The following RAD54B variants were observed in gnomAD, a reference collection of about 807,000 sequenced individuals.
The protein encoded by RAD54B is DNA repair and recombination protein RAD54B.
RAD54B carries 78 observed loss-of-function variants against 95.8 expected under a neutral mutation model. The ratio of observed to expected loss-of-function variants is 0.81; its 90% CI spans 0.68 to 0.98. RAD54B has a LOEUF of 0.98. RAD54B is among the 50% of genes least tolerant of loss of function. The pLI is 0.00. For missense variants in RAD54B, 957 were observed against 1,056.6 expected, an observed-to-expected ratio of 0.91 and a Z score of 1.31; for synonymous variants, 328 against 354.9, an observed-to-expected ratio of 0.92 and a Z score of 0.85.
intron 10 of RAD54B, among the ~76,000 whole-genome samples, chr8:94,390,765 T>C (rs1810999308): frequency 6.6e-6 from 1 of 151,916 alleles, no homozygotes; most frequent in South Asian, 2.1e-4. Flanking sequence ...CCAAAATACT[T>C]GGGAACAGAA....
At chr8:94,474,396 A>G (rs1350049493) in intron 1 of RAD54B, among the ~76,000 whole-genome samples, 1 of 152,236 alleles carries the variant, frequency 6.6e-6, no homozygotes, top group Non-Finnish European at 1.5e-5. Flanking sequence ...TAACAAAAGT[A>G]GGCTAGGCCA....
intron 2 of RAD54B, among the ~76,000 whole-genome samples, chr8:94,461,412 G>A (rs1221845888): frequency 8.0e-5 from 12 of 149,898 alleles, no homozygotes; most frequent in Admixed American, 6.0e-4. Context: ...CAGGTGATCC[G>A]CCTGCCTCAG....
At chr8:94,458,060 A>ACTATAAAAAG (rs1220017158) in intron 3 of RAD54B, among the ~76,000 whole-genome samples, 8 of 152,242 alleles carry the variant, frequency 5.3e-5, no homozygotes, top group African/African-American at 1.9e-4. Context: ...TCTTAAGCAT[A>ACTATAAAAAG]CATCTACTAT....
At chr8:94,435,267 T>C (rs1183102585) in intron 3 of RAD54B, among the ~76,000 whole-genome samples, 1 of 152,096 alleles carries the variant, frequency 6.6e-6, no homozygotes, top group Non-Finnish European at 1.5e-5. Flanking sequence ...TGTGTATTCA[T>C]GTCCTGGATT....
intron 14 of RAD54B, among the ~76,000 whole-genome samples, chr8:94,374,695 T>C (rs1255215149): frequency 6.6e-6 from 1 of 151,852 alleles, no homozygotes; most frequent in Non-Finnish European, 1.5e-5. Flanking sequence ...AACAATAAAA[T>C]AGAGAAACCA....
chr8:94,438,159 G>A (rs1812315083), intron 3 of RAD54B, among the ~76,000 whole-genome samples: 1 of 152,198 alleles, frequency 6.6e-6, no homozygotes, highest in Non-Finnish European at 1.5e-5. Flanking sequence ...TAGTTCCACA[G>A]AAATGCTATA....
In RAD54B at chr8:94,436,278, G is replaced by T. The variant is rs1812257151; in HGVS notation, c.304+21990C>A. Among the ~76,000 whole-genome samples the T allele has an allele frequency of 2.0e-5, 3 of 152,158 alleles. No individual in the cohort carries two copies. The South Asian group carries it at 6.2e-4, about 32-fold the overall frequency. ...ACCTTTACTTTTAGAAACTACAGGA[G>T]GGAAGGGGGAGGGGAAGACAGTAAA... is the stretch of plus-strand genomic sequence containing the variant. On this transcript the variant is annotated intron_variant, in intron 3 of 14. Coordinates refer to ENST00000336148, the MANE Select transcript of RAD54B (RefSeq NM_012415.3).
At chr8:94,419,456 C>T (rs1416962485) in intron 3 of RAD54B, among the ~76,000 whole-genome samples, 3 of 151,698 alleles carry the variant, frequency 2.0e-5, no homozygotes, top group African/African-American at 4.8e-5. Context: ...TGCAGTGAGC[C>T]GAGATCATGC....
At chr8:94,432,249 C>T (rs1812118482) in intron 3 of RAD54B, 1 of 1,550,340 alleles carries the variant, frequency 6.5e-7, no homozygotes, top group Non-Finnish European at 8.7e-7. Flanking sequence ...CAATCCATCC[C>T]TCTTCTCCTG....
intron 3 of RAD54B, chr8:94,430,251 C>G (rs528322044): frequency 4.7e-4 from 375 of 806,050 alleles, no homozygotes; most frequent in Non-Finnish European, 5.4e-4. Context: ...ACGGAGATTG[C>G]AGTGAGCCAA....
At position 94,432,264 on chromosome 8, in the gene RAD54B, T is replaced by C. The variant is rs781406219; in HGVS notation, c.305-20949A>G. The C allele has an allele frequency of 2.3e-5, 36 of 1,550,254 alleles. No homozygotes were observed. In the Middle Eastern group the frequency reaches 1.3e-3, roughly 57 times the overall value. On this transcript the variant is annotated intron_variant, in intron 3 of 14. Coordinates refer to ENST00000336148, the MANE Select transcript of RAD54B (RefSeq NM_012415.3). ...CAATCCATCCCTCTTCTCCTGAACA[T>C]ACAATCCAAAATTTTTTTGATTTTC...
intron 3 of RAD54B, among the ~76,000 whole-genome samples, chr8:94,444,963 T>G (rs1812486638): frequency 6.6e-6 from 1 of 152,196 alleles, no homozygotes; most frequent in African/African-American, 2.4e-5. Flanking sequence ...TTGATAACTG[T>G]CAGCGAGCAG....
At chr8:94,377,566 A>C (rs1475269412) in intron 14 of RAD54B, among the ~76,000 whole-genome samples, 1 of 115,260 alleles carries the variant, frequency 8.7e-6, no homozygotes, top group African/African-American at 2.8e-5. Context: ...AAAAAAAAAA[A>C]AAAAAAAAAA....
intron 4 of RAD54B, among the ~76,000 whole-genome samples, chr8:94,410,549 G>A (rs1811504352): frequency 6.6e-6 from 1 of 152,152 alleles, no homozygotes. Context: ...ACAATGCAAA[G>A]ACACTGTAGT....
At chr8:94,471,272 G>GC (rs923124807) in intron 1 of RAD54B, among the ~76,000 whole-genome samples, 1 of 149,276 alleles carries the variant, frequency 6.7e-6, no homozygotes, top group Non-Finnish European at 1.5e-5. Context: ...GGGTGGCGGG[G>GC]GGGGGCAGTA....
At chr8:94,416,615 C>A (rs1415049110) in intron 3 of RAD54B, among the ~76,000 whole-genome samples, 1 of 151,590 alleles carries the variant, frequency 6.6e-6, no homozygotes, top group Non-Finnish European at 1.5e-5. Context: ...TACAAACAAC[C>A]AATAAGCACA....
At position 94,387,116 on chromosome 8, in the gene RAD54B, CTCTTT is replaced by C. The variant is rs1469721039; in HGVS notation, c.1848_1852del (p.Lys617SerfsTer12). 3 of 1,603,656 alleles carry C rather than the reference CTCTTT, an allele frequency of 1.9e-6. No homozygotes were observed. The highest frequency in any genetic ancestry group is 3.5e-5 in the Admixed American group (2 of 57,904). ...CACACTTAGCAAGCCTTTGTATAGA[CTCTTT>C]TCTTCATTTTTATCACAAGTTGAGC... On this transcript the variant is annotated frameshift_variant, in exon 11 of 15. Transcript: ENST00000336148. LOFTEE classifies it high-confidence loss of function.
intron 3 of RAD54B, among the ~76,000 whole-genome samples, chr8:94,440,432 A>G (rs1427288731): frequency 6.6e-6 from 1 of 152,246 alleles, no homozygotes; most frequent in Non-Finnish European, 1.5e-5. Flanking sequence ...TCTAAAGCAG[A>G]CTATGAAAAG....
intron 2 of RAD54B, among the ~76,000 whole-genome samples, chr8:94,465,017 C>T (rs941903521): frequency 6.6e-6 from 1 of 152,164 alleles, no homozygotes; most frequent in African/African-American, 2.4e-5. Context: ...GAAGGATCCG[C>T]CCCTCATGAC....
Sources: allele counts gnomAD v4.1 joint callset (sites outside exome capture counted in the v4.1 genomes callset), GRCh38; gene constraint gnomAD v4.1.1; transcripts MANE v1.5; gene names NCBI Gene and HGNC (gene_info 2026-07-23, HGNC 2026-07-21).